Variants in POU6F2 observed in about 807,000 individuals in gnomAD.
The protein encoded by POU6F2 is POU class 6 homeobox 2.
In POU6F2, 31 loss-of-function variants were observed where a neutral mutation model predicts 71.3. The ratio of observed to expected loss-of-function variants is 0.43; its 90% CI spans 0.33 to 0.59. POU6F2 has a LOEUF of 0.59. Among genes scored for constraint, POU6F2 ranks in the 20% least tolerant of loss-of-function variants. POU6F2 has a pLI of 0.04. For missense variants in POU6F2, 783 were observed against 856.8 expected, an observed-to-expected ratio of 0.91 and a Z score of 1.07; for synonymous variants, 347 against 355.7, an observed-to-expected ratio of 0.98 and a Z score of 0.27.
At chr7:39,221,414 A>C (rs1794357553) in intron 4 of POU6F2, among the ~76,000 whole-genome samples, 1 of 121,728 alleles carries the variant, frequency 8.2e-6, no homozygotes, top group African/African-American at 3.3e-5. Context: ...TTTTTGAGAC[A>C]GTGTCTCGCT....
chr7:39,451,456 A>G, intron 7 of POU6F2, 77 bp from the exon 8 acceptor site: 2 of 1,399,924 alleles, frequency 1.4e-6, no homozygotes, highest in South Asian at 1.3e-5. Context: ...TCACTCCCAG[A>G]TAAAACTTCT....
intron 4 of POU6F2, among the ~76,000 whole-genome samples, chr7:39,293,568 C>T (rs976289033): frequency 2.0e-5 from 3 of 152,154 alleles, no homozygotes; most frequent in East Asian, 3.9e-4. Flanking sequence ...CTTCAGACCA[C>T]GTGATAGCCG....
intron 5 of POU6F2, among the ~76,000 whole-genome samples, chr7:39,396,023 G>C (rs749068413): frequency 3.0e-4 from 46 of 152,308 alleles, no homozygotes; most frequent in Non-Finnish European, 5.7e-4. Flanking sequence ...ATTGGTAAGA[G>C]TAGCACTATT....
At chr7:39,180,610 G>A (rs1024308465) in intron 2 of POU6F2, among the ~76,000 whole-genome samples, 7 of 152,138 alleles carry the variant, frequency 4.6e-5, no homozygotes, top group Admixed American at 4.6e-4. Context: ...CCAGTCATTT[G>A]CCTTTTTGGG....
chr7:39,104,012 A>T (rs1562707403), intron 2 of POU6F2, among the ~76,000 whole-genome samples: 1 of 152,190 alleles, frequency 6.6e-6, no homozygotes. Flanking sequence ...ACAAATACTG[A>T]GATCTACCTT....
intron 2 of POU6F2, among the ~76,000 whole-genome samples, chr7:39,137,636 C>T (rs1028521510): frequency 1.3e-5 from 2 of 152,134 alleles, no homozygotes; most frequent in Non-Finnish European, 2.9e-5. Flanking sequence ...ACAAAAAAGA[C>T]AACATACAGA....
chr7:39,197,870 T>G (rs1793819174), intron 2 of POU6F2, among the ~76,000 whole-genome samples: 1 of 152,192 alleles, frequency 6.6e-6, no homozygotes, highest in African/African-American at 2.4e-5. Flanking sequence ...TACATACATA[T>G]GTATATTCTT....
chr7:39,326,063 A>G (rs972581150), intron 4 of POU6F2, among the ~76,000 whole-genome samples: 9 of 152,232 alleles, frequency 5.9e-5, no homozygotes, highest in Non-Finnish European at 1.2e-4. Context: ...TCCAAGGTGG[A>G]TTGGCCTTCT....
At chr7:39,318,929 G>C (rs1362242757) in intron 4 of POU6F2, among the ~76,000 whole-genome samples, 1 of 152,148 alleles carries the variant, frequency 6.6e-6, no homozygotes, top group Non-Finnish European at 1.5e-5. Context: ...GATGGCTTGA[G>C]CCCAGGAGTT....
intron 5 of POU6F2, among the ~76,000 whole-genome samples, chr7:39,373,219 C>A (rs180715720): frequency 6.6e-6 from 1 of 152,154 alleles, no homozygotes; most frequent in East Asian, 1.9e-4. Flanking sequence ...TAGATATGAC[C>A]ATAGTAGCAG....
chr7:39,210,973 A>G (rs140279014), intron 4 of POU6F2, among the ~76,000 whole-genome samples: 2 of 152,308 alleles, frequency 1.3e-5, no homozygotes, highest in Non-Finnish European at 2.9e-5. Flanking sequence ...TCCAGGATCA[A>G]GGCACAGGCA....
intron 2 of POU6F2, among the ~76,000 whole-genome samples, chr7:39,177,900 A>G (rs373004137): frequency 1.3e-3 from 193 of 152,336 alleles, no homozygotes; most frequent in African/African-American, 4.4e-3. Context: ...TCACAAGCAT[A>G]AGTTTATAAC....
chr7:39,308,407 G>A (rs556795351), intron 4 of POU6F2, among the ~76,000 whole-genome samples: 175 of 152,274 alleles, frequency 1.1e-3, no homozygotes, highest in African/African-American at 3.8e-3. Flanking sequence ...CCCCAGGTGC[G>A]TAAGCTTCCC....
chr7:39,189,378 G>GT (rs910573010), intron 2 of POU6F2, among the ~76,000 whole-genome samples: 44 of 151,736 alleles, frequency 2.9e-4, no homozygotes, highest in African/African-American at 9.9e-4. Flanking sequence ...TTGTTTGTGT[G>GT]TTTGTTTGTT....
chr7:39,463,967 C>T (rs1462346741), intron 9 of POU6F2, among the ~76,000 whole-genome samples: 2 of 152,172 alleles, frequency 1.3e-5, no homozygotes, highest in Non-Finnish European at 2.9e-5. Context: ...GTCTCTGCTT[C>T]TCATCACCCC....
intron 2 of POU6F2, among the ~76,000 whole-genome samples, chr7:39,204,014 A>C (rs746848211): frequency 3.4e-4 from 51 of 152,216 alleles, no homozygotes; most frequent in Non-Finnish European, 6.3e-4. Context: ...TACTCTATGC[A>C]AACTGACTGT....
intron 5 of POU6F2, 109 bp downstream of exon 5, chr7:39,340,124 TGCAGCA>T: frequency 7.2e-7 from 1 of 1,382,644 alleles, no homozygotes; most frequent in Non-Finnish European, 9.6e-7. Context: ...CATCCAGTTC[TGCAGCA>T]TCTAATTCAA....
chr7:39,217,322 G>A (rs1399068386), intron 4 of POU6F2, among the ~76,000 whole-genome samples: 2 of 152,104 alleles, frequency 1.3e-5, no homozygotes, highest in Non-Finnish European at 2.9e-5. Flanking sequence ...AGGAGAAATT[G>A]CTGGCAGGGA....
At chr7:39,365,190 A>G (rs1786474505) in intron 5 of POU6F2, among the ~76,000 whole-genome samples, 2 of 152,232 alleles carry the variant, frequency 1.3e-5, no homozygotes, top group Admixed American at 6.5e-5. Context: ...AAACAGGCAC[A>G]TAGACCAATG....
Sources: allele counts gnomAD v4.1 joint callset (sites outside exome capture counted in the v4.1 genomes callset), GRCh38; gene constraint gnomAD v4.1.1; transcripts MANE v1.5; gene names NCBI Gene and HGNC (gene_info 2026-07-23, HGNC 2026-07-21).